Variants in ZDHHC2 observed in about 807,000 individuals in gnomAD.
The protein encoded by ZDHHC2 is zDHHC palmitoyltransferase 2.
A neutral mutation model predicts 55.6 loss-of-function variants in ZDHHC2; 51 were observed. That is an observed-to-expected ratio of 0.92 (90% CI 0.73 to 1.16). The LOEUF (loss-of-function observed/expected upper bound fraction) is 1.16. Ranked by LOEUF, ZDHHC2 falls within the 50% of genes most tolerant of loss-of-function variation. ZDHHC2 has a pLI of 0.00. For missense variants in ZDHHC2, 491 were observed against 442.4 expected, an observed-to-expected ratio of 1.11 and a Z score of -0.99; for synonymous variants, 199 against 152.9, an observed-to-expected ratio of 1.30 and a Z score of -2.22.
intron 3 of ZDHHC2, among the ~76,000 whole-genome samples, chr8:17,188,304 C>G (rs1162197881): frequency 1.3e-5 from 2 of 152,070 alleles, no homozygotes; most frequent in Non-Finnish European, 2.9e-5. Context: ...AACGCCTTCC[C>G]TCTACTGCTT....
In ZDHHC2 at chr8:17,220,967, A is replaced by C. The variant is rs539863350; in HGVS notation, c.*746A>C. ...AAATATATTTTCATCTCTTCTTGTT[A>C]AATTGGGAGGAAATTTATGATAGCA... On this transcript the variant is annotated 3_prime_UTR_variant, in exon 13 of 13. Coordinates refer to ENST00000262096, the MANE Select transcript of ZDHHC2 (RefSeq NM_016353.5). 1 of 152,288 alleles carries C rather than the reference A, an allele frequency of 6.6e-6. No individual in the cohort carries two copies. Among genetic ancestry groups the C allele is most frequent in the African/African-American group, 2.4e-5 (1 of 41,542 alleles). The allele number at this position is 152,288 out of a possible 1,614,324, so 9.4% of individuals were successfully genotyped here.
intron 1 of ZDHHC2, chr8:17,157,705 C>T (rs939930089): frequency 6.6e-6 from 1 of 152,188 alleles, no homozygotes; most frequent in African/African-American, 2.4e-5. Context: ...GAAAACTGAT[C>T]TGGGTTATCA....
intron 1 of ZDHHC2, among the ~76,000 whole-genome samples, chr8:17,180,888 A>G (rs1805398441): frequency 6.6e-6 from 1 of 152,214 alleles, no homozygotes; most frequent in Admixed American, 6.5e-5. Flanking sequence ...CTGGGGGTGG[A>G]GGGAACCCTG....
chr8:17,183,546 A>G (rs1259590065), intron 1 of ZDHHC2, among the ~76,000 whole-genome samples: 1 of 152,202 alleles, frequency 6.6e-6, no homozygotes, highest in Non-Finnish European at 1.5e-5. Context: ...TGTTAAAAGG[A>G]GTGGAGAACC....
At chr8:17,164,090 G>T (rs1804489351) in intron 1 of ZDHHC2, among the ~76,000 whole-genome samples, 2 of 152,102 alleles carry the variant, frequency 1.3e-5, no homozygotes, top group East Asian at 3.9e-4. Flanking sequence ...AGAAGAATAG[G>T]ATAGCTGTAA....
chr8:17,224,442 G>A lies in ZDHHC2; in HGVS notation c.*4221G>A, dbSNP rs1808041548. ...TTTATGGCTAGTTCCCTTTTGCTCA[G>A]GAAAAATAGTACTACTTTATGGTTT... On this transcript the variant is annotated 3_prime_UTR_variant, in exon 13 of 13. Coordinates refer to ENST00000262096, the MANE Select transcript of ZDHHC2 (RefSeq NM_016353.5). 6.6e-6 allele frequency: 1 copy of A among 151,490 alleles called. No homozygotes were observed. The highest frequency in any genetic ancestry group is 6.6e-5 in the Admixed American group (1 of 15,166). 9.4% of individuals were successfully genotyped at this position (151,490 alleles called of 1,614,324 possible). A position where few individuals can be genotyped will look rare whatever the true frequency, so the allele number is the denominator to read the frequency against.
chr8:17,168,489 A>C (rs1335036186), intron 1 of ZDHHC2, among the ~76,000 whole-genome samples: 2 of 152,136 alleles, frequency 1.3e-5, no homozygotes, highest in Admixed American at 1.3e-4. Flanking sequence ...ATTGTGGTAA[A>C]ATATTGATAA....
intron 1 of ZDHHC2, among the ~76,000 whole-genome samples, chr8:17,164,601 A>T (rs1323032949): frequency 6.6e-6 from 1 of 152,178 alleles, no homozygotes. Flanking sequence ...AACAATAAAA[A>T]AAAAAAACCT....
intron 1 of ZDHHC2, among the ~76,000 whole-genome samples, chr8:17,169,122 G>A (rs1804737390): frequency 6.6e-6 from 1 of 152,064 alleles, no homozygotes; most frequent in South Asian, 2.1e-4. Flanking sequence ...TGGAGCAGGT[G>A]ATTTTTGATG....
At position 17,191,237 on chromosome 8, in the gene ZDHHC2, G is replaced by C. The variant is rs373589462; in HGVS notation, c.253-4267G>C. Among the ~76,000 whole-genome samples the C allele has an allele frequency of 2.9e-4, 44 of 152,116 alleles. No homozygotes were observed. In the East Asian group the frequency reaches 5.6e-3, roughly 19 times the overall value. Reference sequence around the variant, plus strand: ...AGCCTCCCAAACTGCTGGGATTACAGGCATGAGCCATGGCACCTGGCCCAA... The same window carrying C: ...AGCCTCCCAAACTGCTGGGATTACACGCATGAGCCATGGCACCTGGCCCAA... On this transcript the variant is annotated intron_variant, in intron 3 of 12. Transcript: ENST00000262096.
Position 17,190,323 on chromosome 8 carries a change from G to A in ZDHHC2, c.252+3898G>A, listed in dbSNP as rs148284347. On this transcript the variant is annotated intron_variant, in intron 3 of 12. Coordinates refer to ENST00000262096, the MANE Select transcript of ZDHHC2 (RefSeq NM_016353.5). The stretch of plus-strand genomic sequence containing the variant: ...TCATCTGTTAGCAGTGTGATCTCAC[G>A]TAATTTTTTACGGTTAGGGGAACAT... Among the ~76,000 whole-genome samples, 44 of 152,120 alleles carry A rather than the reference G, an allele frequency of 2.9e-4. No homozygotes were observed. In the East Asian group the frequency reaches 4.7e-3, roughly 16 times the overall value.
At chr8:17,177,089 T>A (rs1013436778) in intron 1 of ZDHHC2, among the ~76,000 whole-genome samples, 1 of 152,238 alleles carries the variant, frequency 6.6e-6, no homozygotes, top group Non-Finnish European at 1.5e-5. Context: ...AGGATTTGGC[T>A]TCAAGGGGTT....
chr8:17,158,207 G>A (rs1804161248), intron 1 of ZDHHC2, among the ~76,000 whole-genome samples: 1 of 152,142 alleles, frequency 6.6e-6, no homozygotes, highest in South Asian at 2.1e-4. Flanking sequence ...AGGAAAGGAC[G>A]TGTAGTAAAT....
chr8:17,209,721 T>A (rs1175115450), intron 8 of ZDHHC2, among the ~76,000 whole-genome samples: 1 of 152,206 alleles, frequency 6.6e-6, no homozygotes, highest in South Asian at 2.1e-4. Context: ...TAAAAAGGCA[T>A]ATTTTAAAAT....
Position 17,206,384 on chromosome 8 carries a change from T to A in ZDHHC2, c.597+609T>A, listed in dbSNP as rs560065387. On this transcript the variant is annotated intron_variant, in intron 7 of 12. Coordinates refer to ENST00000262096, the MANE Select transcript of ZDHHC2 (RefSeq NM_016353.5). ...CACATAAAACAAGGTTACACACTGA[T>A]CAGTTGTCAAAGATGTTGTGACCAG... Among the ~76,000 whole-genome samples the A allele has an allele frequency of 7.4e-4, 113 of 152,306 alleles. No homozygotes were observed. In the South Asian group the frequency reaches 0.023, roughly 30 times the overall value.
intron 1 of ZDHHC2, among the ~76,000 whole-genome samples, chr8:17,181,422 G>A (rs920013393): frequency 3.9e-5 from 6 of 152,178 alleles, no homozygotes; most frequent in African/African-American, 1.4e-4. Flanking sequence ...GCTATTCGTC[G>A]TGACTTTGAG....
intron 1 of ZDHHC2, among the ~76,000 whole-genome samples, chr8:17,159,404 T>G (rs1804219378): frequency 6.6e-6 from 1 of 152,154 alleles, no homozygotes; most frequent in Non-Finnish European, 1.5e-5. Flanking sequence ...ACAAGGTGAT[T>G]TACCCTGGTC....
At position 17,223,592 on chromosome 8, in the gene ZDHHC2, T is replaced by G. The variant is rs1457183374; in HGVS notation, c.*3371T>G. The G allele has an allele frequency of 6.6e-6, 1 of 151,858 alleles. No individual in the cohort carries two copies. Among genetic ancestry groups the G allele is most frequent in the East Asian group, 1.9e-4 (1 of 5,202 alleles). 9.4% of individuals were successfully genotyped at this position (151,858 alleles called of 1,614,324 possible). On this transcript the variant is annotated 3_prime_UTR_variant, in exon 13 of 13. Transcript: ENST00000262096. ...GTTACATACCTGAAGTATTACTCTT[T>G]TACAAAGATACCATTAGAATTTTCT... is the stretch of plus-strand genomic sequence containing the variant.
chr8:17,177,649 T>A (rs1342061375), intron 1 of ZDHHC2, among the ~76,000 whole-genome samples: 1 of 152,226 alleles, frequency 6.6e-6, no homozygotes, highest in Non-Finnish European at 1.5e-5. Flanking sequence ...CAATTAATGT[T>A]TCTCAATAAA....
Sources: gnomAD v4.1 joint callset for allele counts (sites outside exome capture counted in the v4.1 genomes callset) on GRCh38, gnomAD v4.1.1 for gene constraint, MANE v1.5 for transcripts, NCBI Gene and HGNC (gene_info 2026-07-23, HGNC 2026-07-21) for gene names.